The following PEBP4 variants were observed in gnomAD, a reference collection of about 807,000 sequenced individuals.
The protein encoded by PEBP4 is phosphatidylethanolamine binding protein 4, also known as phosphatidylethanolamine-binding protein 4.
A neutral mutation model predicts 23.9 loss-of-function variants in PEBP4; 22 were observed. That is an observed-to-expected ratio of 0.92 (90% CI 0.66 to 1.31). PEBP4 has a LOEUF of 1.31. Ranked by LOEUF, PEBP4 falls within the 40% of genes most tolerant of loss-of-function variation. The pLI, the probability that PEBP4 is intolerant of heterozygous loss-of-function variation, is 0.00. For missense variants in PEBP4, 324 were observed against 281.7 expected (o/e 1.15, Z -1.07); for synonymous variants, 112 against 99.3 (o/e 1.13, Z -0.76).
chr8:22,910,583 C>A (rs1428264413), intron 3 of PEBP4, among the ~76,000 whole-genome samples: 1 of 152,234 alleles, frequency 6.6e-6, no homozygotes, highest in Non-Finnish European at 1.5e-5. Context: ...AGAAGCTTAG[C>A]CCCAGGGCAA....
Position 22,775,448 on chromosome 8 carries a change from G to T in PEBP4, c.357+42189C>A, listed in dbSNP as rs1020016795. 6.6e-6 allele frequency among the ~76,000 whole-genome samples: 1 copy of T among 152,154 alleles called. No homozygotes were observed. The highest frequency in any genetic ancestry group is 1.5e-5 in the Non-Finnish European group (1 of 68,032). ...TTTACAACCATGCCGGGAGGGGTGC[G>T]CAGGGGCCCGTGGGTGGTGTTCACG... is the stretch of plus-strand genomic sequence containing the variant. On this transcript the variant is annotated intron_variant, in intron 4 of 6. Coordinates refer to ENST00000256404, the MANE Select transcript of PEBP4 (RefSeq NM_144962.3). This position sits in a 1 kb window ranked among gnomAD's most constrained non-coding sequence, Gnocchi z 4.8.
At chr8:22,733,808 T>G in intron 4 of PEBP4, among the ~76,000 whole-genome samples, 1 of 3,728 alleles carries the variant, frequency 2.7e-4, no homozygotes, top group African/African-American at 5.4e-4. Flanking sequence ...AGGGTGGGGA[T>G]GGGGGAATTG....
At chr8:22,854,917 G>T (rs1280877817) in intron 3 of PEBP4, among the ~76,000 whole-genome samples, 2 of 140,450 alleles carry the variant, frequency 1.4e-5, no homozygotes, top group East Asian at 4.5e-4. Flanking sequence ...GCAGAAGGGT[G>T]AGATTAGAAT....
chr8:22,874,926 A>AT, intron 3 of PEBP4, among the ~76,000 whole-genome samples: 1 of 151,996 alleles, frequency 6.6e-6, no homozygotes, highest in Admixed American at 6.5e-5. Context: ...GGAATTTATT[A>AT]TTTTTTTTCA....
chr8:22,863,134 T>C (rs1426385753), intron 3 of PEBP4, among the ~76,000 whole-genome samples: 5 of 152,152 alleles, frequency 3.3e-5, no homozygotes, highest in Non-Finnish European at 7.3e-5. Flanking sequence ...AAGTTGACCC[T>C]GGATGCTGTT....
chr8:22,786,195 C>G (rs1806023461), intron 4 of PEBP4, among the ~76,000 whole-genome samples: 2 of 152,188 alleles, frequency 1.3e-5, no homozygotes, highest in South Asian at 4.1e-4. Context: ...GGAAAGAACA[C>G]TCTAATACAT....
intron 4 of PEBP4, among the ~76,000 whole-genome samples, chr8:22,763,415 G>A (rs549510194): frequency 1.3e-5 from 2 of 152,280 alleles, no homozygotes; most frequent in South Asian, 2.1e-4. Context: ...CCCCGACAGC[G>A]GTCAGATCAT....
At position 22,812,267 on chromosome 8, in the gene PEBP4, G is replaced by C. The variant is rs533381509; in HGVS notation, c.357+5370C>G. Among the ~76,000 whole-genome samples, 35 of 152,272 alleles carry C rather than the reference G, an allele frequency of 2.3e-4. 1 individual carries two copies. In the South Asian group the frequency reaches 7.3e-3, roughly 32 times the overall value. On this transcript the variant is annotated intron_variant, in intron 4 of 6. Transcript: ENST00000256404. ...TAGAAAGCAGGGAGCCATAATTCTT[G>C]CCCTGTTTATTGGATTTCCCATTAT...
At chr8:22,736,663 CT>C (rs555049780) in intron 4 of PEBP4, among the ~76,000 whole-genome samples, 1 of 152,260 alleles carries the variant, frequency 6.6e-6, no homozygotes, top group South Asian at 2.1e-4. Flanking sequence ...GAGTTTGTTG[CT>C]AAATGTGATT....
intron 4 of PEBP4, among the ~76,000 whole-genome samples, chr8:22,728,559 T>TCTTTTC (rs1462225042): frequency 1.0e-5 from 1 of 96,316 alleles, no homozygotes; most frequent in Non-Finnish European, 2.1e-5. Context: ...TTTCTTTCTT[T>TCTTTTC]CTTCCTTCCT....
intron 4 of PEBP4, among the ~76,000 whole-genome samples, chr8:22,758,746 T>C (rs1805441691): frequency 6.6e-6 from 1 of 152,164 alleles, no homozygotes; most frequent in South Asian, 2.1e-4. Flanking sequence ...ATTGCTTCTG[T>C]CCAACAAGCA....
intron 3 of PEBP4, among the ~76,000 whole-genome samples, chr8:22,818,450 G>C (rs1232621586): frequency 6.6e-6 from 1 of 152,214 alleles, no homozygotes; most frequent in Non-Finnish European, 1.5e-5. Context: ...TGGGAAAAAA[G>C]TAGGCTTTGA....
intron 4 of PEBP4, among the ~76,000 whole-genome samples, chr8:22,814,637 G>C (rs1248804878): frequency 6.6e-6 from 1 of 152,184 alleles, no homozygotes; most frequent in Non-Finnish European, 1.5e-5. Context: ...GTCAGCTGAA[G>C]TTCCACCAAG....
chr8:22,927,795 C>A, intron 1 of PEBP4, 28 bp downstream of exon 1: 3 of 1,570,466 alleles, frequency 1.9e-6, no homozygotes, highest in African/African-American at 1.4e-5. Flanking sequence ...GCCCCCGACC[C>A]CAGGGGCCCA....
At chr8:22,753,282 G>A (rs1805306433) in intron 4 of PEBP4, among the ~76,000 whole-genome samples, 2 of 152,222 alleles carry the variant, frequency 1.3e-5, no homozygotes, top group African/African-American at 4.8e-5. Context: ...TCAGGAGTCA[G>A]GAGGGAGCTG....
chr8:22,900,086 C>A (rs1213531480), intron 3 of PEBP4, among the ~76,000 whole-genome samples: 1 of 152,156 alleles, frequency 6.6e-6, no homozygotes, highest in Non-Finnish European at 1.5e-5. Context: ...AACTGAGGAG[C>A]AGGAGACCTA....
At chr8:22,846,212 G>A (rs1171909713) in intron 3 of PEBP4, among the ~76,000 whole-genome samples, 3 of 152,156 alleles carry the variant, frequency 2.0e-5, no homozygotes, top group Non-Finnish European at 4.4e-5. Flanking sequence ...CAGGCATCAG[G>A]GGAGGCTGCA....
At chr8:22,727,589 AG>A (rs1205698870) in intron 4 of PEBP4, among the ~76,000 whole-genome samples, 1 of 152,156 alleles carries the variant, frequency 6.6e-6, no homozygotes, top group African/African-American at 2.4e-5. Context: ...CATCACCTGC[AG>A]GGTCTGGTCG....
intron 3 of PEBP4, among the ~76,000 whole-genome samples, chr8:22,913,917 C>T (rs1189684262): frequency 6.6e-6 from 1 of 151,008 alleles, no homozygotes; most frequent in Non-Finnish European, 1.5e-5. Context: ...CTCCTGGGTT[C>T]AAGTGATTTT....
Sources: gnomAD v4.1 joint callset for allele counts (sites outside exome capture counted in the v4.1 genomes callset) on GRCh38, gnomAD v4.1.1 for gene constraint, Gnocchi (gnomAD v3.1) non-coding constraint, MANE v1.5 for transcripts, NCBI Gene and HGNC (gene_info 2026-07-23, HGNC 2026-07-21) for gene names.